Variants in TAF1 observed in about 807,000 individuals in gnomAD.
The protein encoded by TAF1 is transcription initiation factor TFIID subunit 1.
TAF1 carries 2 observed loss-of-function variants against 138.5 expected under a neutral mutation model. The observed-to-expected ratio is 0.01, with a 90% confidence interval of 0.01 to 0.05. The LOEUF (loss-of-function observed/expected upper bound fraction) is 0.05, where lower values mean the gene tolerates loss of function less well. TAF1 is among the 10% of genes least tolerant of loss of function. The probability of loss-of-function intolerance (pLI) is 1.00; values close to 1 mark genes in which losing one functional copy is unlikely to be tolerated. For synonymous variants in TAF1, 437 were observed against 503.2 expected (o/e 0.87, Z 1.76); for missense variants, 709 against 1,478.0 (o/e 0.48, Z 8.53).
At chrX:71,406,566 A>G (rs879190831) in intron 25 of TAF1, 72 bp from the exon 26 acceptor site, 2 of 1,052,772 alleles carry the variant, frequency 1.9e-6, no homozygotes, top group Admixed American at 6.0e-5. Flanking sequence ...CTTTTTTTTA[A>G]TTATAGTTGC....
intron 35 of TAF1, 59 bp downstream of exon 35, chrX:71,458,425 G>T: frequency 8.6e-7 from 1 of 1,165,480 alleles, no homozygotes; most frequent in Admixed American, 2.3e-5. Context: ...GGGGCTAGGG[G>T]AATGGTGATG....
rs1441708934 is a variant in TAF1 at position 71,420,612 on chromosome X, C to T, written c.4385-697C>T. 5 of 1,208,990 alleles carry T rather than the reference C, an allele frequency of 4.1e-6. No individual in the cohort carries two copies. The East Asian group carries it at 1.5e-4, about 36-fold the overall frequency. ...TCCTTTAGCTTCTCAGCTTCTTCCT[C>T]CATCTCCCTAACTCGAGCTTTGATA... On this transcript the variant is annotated intron_variant, in intron 28 of 37. Transcript: ENST00000423759.
Position 71,472,166 on chromosome X carries a change from T to G in TAF1, c.1366+11363T>G, listed in dbSNP as rs749232868. Among the ~76,000 whole-genome samples, 4 of 111,729 alleles carry G rather than the reference T, an allele frequency of 3.6e-5. No homozygotes were observed. In the South Asian group the frequency reaches 1.5e-3, roughly 42 times the overall value. ...ATGTGCCACCACGCCTGGCTAACTT[T>G]TTGTATTTTTTTAATAGATAAAAGG... On this transcript the variant is annotated intron_variant and NMD_transcript_variant, in intron 13 of 14. Transcript: ENST00000373775.
At chrX:71,370,616 T>G (rs2032981430) in intron 3 of TAF1, among the ~76,000 whole-genome samples, 1 of 111,575 alleles carries the variant, frequency 9.0e-6, no homozygotes, top group Non-Finnish European at 1.9e-5. Flanking sequence ...TCCCAAAGTG[T>G]TGGGATTACA....
intron 13 of TAF1, among the ~76,000 whole-genome samples, chrX:71,498,263 G>A (rs2039434218): frequency 1.8e-5 from 2 of 111,723 alleles, no homozygotes; most frequent in African/African-American, 6.5e-5. Context: ...GAAACTGGAA[G>A]TCAGAATGCA....
chrX:71,430,154 G>A (rs1465022980), intron 32 of TAF1, among the ~76,000 whole-genome samples: 1 of 111,412 alleles, frequency 9.0e-6, no homozygotes, highest in African/African-American at 3.3e-5. Flanking sequence ...GCTGAGGTGG[G>A]CGGATCACGA....
chrX:71,446,691 T>C (rs746391963), intron 32 of TAF1, among the ~76,000 whole-genome samples: 9 of 112,400 alleles, frequency 8.0e-5, no homozygotes, highest in Non-Finnish European at 1.7e-4. Flanking sequence ...GGAATGGTGT[T>C]TCATTTTTGA....
At chrX:71,457,190 T>C (rs745923852) in intron 34 of TAF1, among the ~76,000 whole-genome samples, 14 of 112,454 alleles carry the variant, frequency 1.2e-4, no homozygotes, top group Admixed American at 6.6e-4. Flanking sequence ...CAAAACCCTC[T>C]TCTGAATCAG....
chrX:71,491,723 G>A (rs1276286093), intron 13 of TAF1: 1 of 101,442 alleles, frequency 9.9e-6, no homozygotes, highest in East Asian at 3.1e-4. Context: ...GTGCAGTGGC[G>A]CGACCTTGGC....
intron 3 of TAF1, among the ~76,000 whole-genome samples, chrX:71,371,829 G>C (rs2033079220): frequency 8.9e-6 from 1 of 111,943 alleles, no homozygotes; most frequent in South Asian, 3.7e-4. Context: ...CAGTTTTCTT[G>C]TCTGTAGTAA....
chrX:71,398,420 A>G (rs2034978834), intron 23 of TAF1, 152 bp from the exon 24 acceptor site: 1 of 663,320 alleles, frequency 1.5e-6, no homozygotes, highest in Non-Finnish European at 2.2e-6. Context: ...AGGGCTGACT[A>G]GGGAGGGAGA....
rs186127353 is a variant in TAF1, at chrX:71,406,653, C to T, written c.4014C>T (p.Arg1338=). Residue 1338 remains arginine (R), a synonymous_variant, in exon 26 of 38, where the codon CGC becomes CGT. Transcript: ENST00000423759. Reference sequence around the variant, plus strand: ...TTGATTTTAGTGCGGATGAGGTTCGCAGAAAATCTCTGGTTCTCAAGTTTC... The same window carrying T: ...TTGATTTTAGTGCGGATGAGGTTCGTAGAAAATCTCTGGTTCTCAAGTTTC... ...KQLIESADEV[R]RKSLVLKFPK... 8.3e-7 allele frequency: 1 copy of T among 1,207,391 alleles called. No homozygotes were observed. The highest frequency in any genetic ancestry group is 2.2e-5 in the Admixed American group (1 of 45,394).
chrX:71,393,010 GA>G lies in TAF1; in HGVS notation c.3051+20del. 8.3e-7 allele frequency: 1 copy of G among 1,210,768 alleles called. No individual in the cohort carries two copies. The highest frequency in any genetic ancestry group is 1.1e-6 in the Non-Finnish European group (1 of 894,988). ...TGAGGAAGAGGTGAGTGTGGAAGTG[GA>G]AAATTTAGAGTATACTAGGGGCTTT... On this transcript the variant is annotated intron_variant, in intron 20 of 37. Coordinates refer to ENST00000423759, the MANE Select transcript of TAF1 (RefSeq NM_004606.5).
chrX:71,454,140 G>A (rs374347393), intron 32 of TAF1, 30 bp from the exon 33 acceptor site: 149 of 1,175,367 alleles, frequency 1.3e-4, no homozygotes, highest in Non-Finnish European at 1.6e-4. Context: ...AGTCTGCAAA[G>A]ATAATGGCAC....
intron 28 of TAF1, among the ~76,000 whole-genome samples, chrX:71,419,029 A>G (rs1189399402): frequency 9.0e-6 from 1 of 111,454 alleles, no homozygotes; most frequent in Non-Finnish European, 1.9e-5. Context: ...GGCCTCCCAA[A>G]GTGCTAGGAT....
At chrX:71,384,661 G>A (rs2034108798) in intron 13 of TAF1, among the ~76,000 whole-genome samples, 2 of 111,260 alleles carry the variant, frequency 1.8e-5, no homozygotes, top group African/African-American at 6.5e-5. Context: ...GCCCGTCTTG[G>A]CCTTCCAAAG....
intron 13 of TAF1, among the ~76,000 whole-genome samples, chrX:71,472,886 G>T (rs1480640727): frequency 2.7e-5 from 3 of 111,959 alleles, no homozygotes; most frequent in Non-Finnish European, 5.6e-5. Context: ...CTGTTACAAA[G>T]ATATTTATGA....
In TAF1 at chrX:71,366,382, A is replaced by G; in HGVS notation, c.8A>G (p.Asp3Gly). ...ATCACTGCTGCCGCCATCATGTCAGACACGGACAGCGACGAAGATTCCGCT... is the reference window on the plus strand; with the variant it reads ...ATCACTGCTGCCGCCATCATGTCAGGCACGGACAGCGACGAAGATTCCGCT... MS[D>G]TDSDEDSAGG... Residue 3 changes from aspartate to glycine, a missense_variant, in exon 1 of 38, where the codon GAC (aspartate) becomes GGC (glycine). Physicochemically the swap from Asp to Gly is moderately conservative, Grantham distance 94. Around this residue, in one of 14 missense-constraint regions of TAF1, gnomAD observed 123 missense variants for 161.6 expected, o/e 0.76. Coordinates refer to ENST00000423759, the MANE Select transcript of TAF1 (RefSeq NM_004606.5). 1 of 1,210,693 alleles carries G rather than the reference A, an allele frequency of 8.3e-7. No homozygotes were observed.
intron 13 of TAF1, chrX:71,528,049 A>T: frequency 5.1e-6 from 1 of 196,026 alleles, no homozygotes; most frequent in Non-Finnish European, 9.7e-6. Context: ...TGAATGTTCA[A>T]TTAGATCAAC....
Sources: allele counts gnomAD v4.1 joint callset (sites outside exome capture counted in the v4.1 genomes callset), GRCh38; gene constraint gnomAD v4.1.1; regional missense constraint gnomAD v4.1.1; transcripts MANE v1.5; gene names NCBI Gene and HGNC (gene_info 2026-07-23, HGNC 2026-07-21).